Variants in ADCY7 observed in about 807,000 individuals in gnomAD.
ADCY7 encodes adenylate cyclase type 7.
A neutral mutation model predicts 120.6 loss-of-function variants in ADCY7; 72 were observed. The observed-to-expected ratio is 0.60, with a 90% CI of 0.49 to 0.73. ADCY7 has a LOEUF of 0.73. Among genes scored for constraint, ADCY7 ranks in the 30% least tolerant of loss-of-function variants. The probability of loss-of-function intolerance (pLI) is 0.00; values close to 1 mark genes in which losing one functional copy is unlikely to be tolerated. For missense variants in ADCY7, 1,227 were observed against 1,486.0 expected, an observed-to-expected ratio of 0.83 and a Z score of 2.87; for synonymous variants, 661 against 628.0, an observed-to-expected ratio of 1.05 and a Z score of -0.78.
Position 50,310,897 on chromosome 16 carries a change from C to A in ADCY7, c.2354+17C>A. Reference sequence around the variant, plus strand: ...CACCACCAGGTGGGGTCCCGCCCGTCCCCGTCCCCATCCCCATGGTGGCCT... The same window carrying A: ...CACCACCAGGTGGGGTCCCGCCCGTACCCGTCCCCATCCCCATGGTGGCCT... On this transcript the variant is annotated intron_variant, in intron 19 of 25. Coordinates refer to ENST00000673801, the MANE Select transcript of ADCY7 (RefSeq NM_001114.5). 2 of 1,567,158 alleles carry A rather than the reference C, an allele frequency of 1.3e-6. No individual in the cohort carries two copies. The highest frequency in any genetic ancestry group is 1.4e-5 in the African/African-American group (1 of 73,940).
intron 12 of ADCY7, 54 bp downstream of exon 12, chr16:50,305,013 G>T (rs1178803087): frequency 1.2e-6 from 2 of 1,608,890 alleles, no homozygotes; most frequent in East Asian, 4.5e-5. Context: ...CCTCCAAGCA[G>T]GCTGCCCTGA....
intron 6 of ADCY7, among the ~76,000 whole-genome samples, chr16:50,294,056 G>A (rs1445222157): frequency 1.3e-5 from 2 of 152,180 alleles, no homozygotes; most frequent in African/African-American, 2.4e-5. Context: ...ATCCAAGGCT[G>A]GCCCGCTGCC....
At chr16:50,293,640 A>C (rs1200142146) in intron 6 of ADCY7, 138 bp downstream of exon 6, 4 of 1,106,082 alleles carry the variant, frequency 3.6e-6, no homozygotes, top group Non-Finnish European at 5.1e-6. Flanking sequence ...CCATGGTTCC[A>C]GGTCAATCTG....
rs1181625284 is a variant in ADCY7 at position 50,317,065 on chromosome 16, TG to T, written c.*1562del. 2.6e-5 allele frequency: 4 copies of T among 152,606 alleles called. No homozygotes were observed. Among genetic ancestry groups the T allele is most frequent in the African/African-American group, 9.7e-5 (4 of 41,344 alleles). The allele number at this position is 152,606 out of a possible 1,614,324, so 9.5% of individuals were successfully genotyped here. On this transcript the variant is annotated 3_prime_UTR_variant, in exon 26 of 26. Transcript: ENST00000673801. The stretch of plus-strand genomic sequence containing the variant: ...GTACAGCTAAGTGCGGGGGTGGCGG[TG>T]GAGGGAACGAAAATTGAACCTGTCT...
chr16:50,307,207 T>C (rs2036129410), intron 15 of ADCY7, 60 bp downstream of exon 15: 1 of 1,515,142 alleles, frequency 6.6e-7, no homozygotes, highest in Non-Finnish European at 9.0e-7. Flanking sequence ...GGAAGGTGAC[T>C]ATGAACCTGC....
intron 7 of ADCY7, 53 bp downstream of exon 7, chr16:50,294,804 C>T (rs934906246): frequency 2.3e-6 from 3 of 1,314,352 alleles, no homozygotes; most frequent in Non-Finnish European, 3.3e-6. Context: ...CTGCCTATTA[C>T]ACCCCAGGGG....
chr16:50,310,561 A>C, intron 18 of ADCY7, 126 bp from the exon 19 acceptor site: 2 of 1,560,402 alleles, frequency 1.3e-6, no homozygotes, highest in Non-Finnish European at 1.7e-6. Context: ...TTTGTTGAGA[A>C]GGGAGGTGGT....
chr16:50,282,599 G>A (rs762058734), intron 1 of ADCY7, among the ~76,000 whole-genome samples: 3 of 152,164 alleles, frequency 2.0e-5, no homozygotes, highest in Non-Finnish European at 2.9e-5. Context: ...TCATAGCTCT[G>A]TCCTGGGCCT....
Position 50,304,931 on chromosome 16 carries a change from C to T in ADCY7, c.1567C>T (p.Pro523Ser). 1 of 1,613,500 alleles carries T rather than the reference C, an allele frequency of 6.2e-7. No individual in the cohort carries two copies. The highest frequency in any genetic ancestry group is 8.5e-7 in the Non-Finnish European group (1 of 1,179,996). ...VPNGRRPKSV[P>S]QRHRRTPDRS... ...TTCCTCCCTTCCCTTTCAGAGCGTT[C>T]CCCAGCGCCACCGCCGGACCCCAGA... The change falls in exon 12 of 26, where the codon CCC becomes TCC. Residue 523 changes from proline (P) to serine (S), a missense_variant. Coordinates refer to ENST00000673801, the MANE Select transcript of ADCY7 (RefSeq NM_001114.5).
intron 7 of ADCY7, among the ~76,000 whole-genome samples, chr16:50,295,655 G>C (rs1216617906): frequency 6.6e-6 from 1 of 152,100 alleles, no homozygotes; most frequent in Non-Finnish European, 1.5e-5. Context: ...GGGGGACAAG[G>C]GCACAAGGTC....
intron 1 of ADCY7, among the ~76,000 whole-genome samples, chr16:50,256,123 C>T (rs1399258418): frequency 1.3e-5 from 2 of 152,054 alleles, no homozygotes; most frequent in Non-Finnish European, 2.9e-5. Flanking sequence ...GCAAAGAAAA[C>T]AGGTAACAGA....
Position 50,292,794 on chromosome 16 carries a change from G to T in ADCY7, c.656G>T (p.Arg219Leu). 1 of 1,613,664 alleles carries T rather than the reference G, an allele frequency of 6.2e-7. No individual in the cohort carries two copies. The highest frequency in any genetic ancestry group is 8.5e-7 in the Non-Finnish European group (1 of 1,179,968). The change falls in exon 5 of 26, where the codon CGC becomes CTC. Residue 219 changes from arginine to leucine, a missense_variant. Arg to Leu is a moderately radical substitution (Grantham distance 102). Transcript: ENST00000673801. ...FTYTVKCIQI[R>L]RKLRIEKRQQ... ...TACACTGTGAAGTGCATCCAGATCC[G>T]CCGGAAGCTGCGCATCGAGAAGCGC...
At chr16:50,310,414 C>T (rs1470166813) in intron 18 of ADCY7, 5 of 1,524,478 alleles carry the variant, frequency 3.3e-6, no homozygotes, top group East Asian at 2.4e-5. Context: ...TGCATGCACG[C>T]TCCGGCCTTG....
At chr16:50,311,813 C>CCA (rs1555525932) in intron 20 of ADCY7, 27 bp downstream of exon 20, 2 of 1,314,888 alleles carry the variant, frequency 1.5e-6, no homozygotes, top group Non-Finnish European at 2.1e-6. Context: ...CCCCCCCCCC[C>CCA]CCAAGCTCTG....
At chr16:50,286,518 A>G (rs1473713106) in intron 1 of ADCY7, among the ~76,000 whole-genome samples, 2 of 151,574 alleles carry the variant, frequency 1.3e-5, no homozygotes, top group Admixed American at 6.6e-5. Context: ...TGGCTGAAGC[A>G]GGCATGGGGG....
chr16:50,281,611 A>G (rs2034271913), intron 1 of ADCY7, among the ~76,000 whole-genome samples: 1 of 152,160 alleles, frequency 6.6e-6, no homozygotes, highest in African/African-American at 2.4e-5. Flanking sequence ...AGATCCCACC[A>G]CGACAGTTTG....
chr16:50,313,558 C>G (rs2036607322), intron 22 of ADCY7: 1 of 209,220 alleles, frequency 4.8e-6, no homozygotes, highest in Admixed American at 5.4e-5. Flanking sequence ...CTGTGATGGG[C>G]AGCTTGCTAA....
In ADCY7 at chr16:50,316,929, A is replaced by G. The variant is rs1288754815; in HGVS notation, c.*1424A>G. On this transcript the variant is annotated 3_prime_UTR_variant, in exon 26 of 26. Transcript: ENST00000673801. ...CATGAACCCCGTAAAGTTCTACACA[A>G]AGTCTTGCATACAGGAGCCTTTACA... 3 of 152,674 alleles carry G rather than the reference A, an allele frequency of 2.0e-5. No homozygotes were observed. Among genetic ancestry groups the G allele is most frequent in the African/African-American group, 7.2e-5 (3 of 41,456 alleles). 9.5% of individuals were successfully genotyped at this position (152,674 alleles called of 1,614,324 possible). A position where few individuals can be genotyped will look rare whatever the true frequency, so the allele number is the denominator to read the frequency against.
upstream of ADCY7, among the ~76,000 whole-genome samples, chr16:50,265,493 G>A (rs112226910): frequency 9.0e-3 from 1,377 of 152,302 alleles, 11 homozygotes; most frequent in Non-Finnish European, 0.015. Context: ...GTATGTGTGG[G>A]ATGTCTACTC....
Sources: gnomAD v4.1 joint callset for allele counts (sites outside exome capture counted in the v4.1 genomes callset) on GRCh38, gnomAD v4.1.1 for gene constraint, MANE v1.5 for transcripts, NCBI Gene and HGNC (gene_info 2026-07-23, HGNC 2026-07-21) for gene names.